DCDC1: variants seen among roughly 807,000 people sequenced by gnomAD.
The protein encoded by DCDC1 is doublecortin domain-containing protein 1.
DCDC1 carries 200 observed loss-of-function variants against 178.3 expected under a neutral mutation model. The observed-to-expected ratio is 1.12, with a 90% CI of 1.00 to 1.26. The LOEUF is 1.26. DCDC1 is among the 50% of genes most tolerant of loss of function. The pLI is 0.00. For missense variants in DCDC1, 1,983 were observed against 1,749.2 expected, an observed-to-expected ratio of 1.13 and a Z score of -2.38; for synonymous variants, 690 against 604.8, an observed-to-expected ratio of 1.14 and a Z score of -2.07.
chr11:31,250,478 T>C (rs1337770161), intron 8 of DCDC1, among the ~76,000 whole-genome samples: 1 of 139,270 alleles, frequency 7.2e-6, no homozygotes, highest in East Asian at 2.3e-4. Context: ...GGCTACAGTT[T>C]ATATCATTTT....
At chr11:31,264,562 C>T (rs1281034602) in intron 8 of DCDC1, among the ~76,000 whole-genome samples, 1 of 152,118 alleles carries the variant, frequency 6.6e-6, no homozygotes, top group African/African-American at 2.4e-5. Flanking sequence ...GAGCAAATTA[C>T]CTAACTTCTC....
intron 11 of DCDC1, among the ~76,000 whole-genome samples, chr11:31,113,449 C>T (rs1026830521): frequency 7.3e-6 from 1 of 136,334 alleles, no homozygotes; most frequent in Non-Finnish European, 1.6e-5. Flanking sequence ...CTCCCCCCAC[C>T]CAACGACAGG....
At chr11:30,968,617 G>A (rs1004493978) in intron 20 of DCDC1, among the ~76,000 whole-genome samples, 7 of 147,368 alleles carry the variant, frequency 4.8e-5, no homozygotes, top group African/African-American at 1.8e-4. Context: ...AAAACAAAGT[G>A]TGTATATATA....
intron 30 of DCDC1, among the ~76,000 whole-genome samples, chr11:30,906,103 C>T (rs531134199): frequency 1.3e-5 from 2 of 152,186 alleles, no homozygotes; most frequent in South Asian, 4.2e-4. Flanking sequence ...TACTATTAGA[C>T]ATAGACGTGT....
chr11:30,903,731 T>G, intron 31 of DCDC1, 48 bp from the exon 32 acceptor site: 1 of 1,424,498 alleles, frequency 7.0e-7, no homozygotes, highest in Non-Finnish European at 9.3e-7. Context: ...GTGATAGCAT[T>G]GGGAATGATC....
intron 34 of DCDC1, among the ~76,000 whole-genome samples, chr11:30,896,679 T>G (rs1944243002): frequency 6.6e-6 from 1 of 152,224 alleles, no homozygotes; most frequent in South Asian, 2.1e-4. Context: ...TTTTACTTAT[T>G]TATCAGTTTT....
intron 11 of DCDC1, among the ~76,000 whole-genome samples, chr11:31,122,510 A>G (rs1297013480): frequency 6.6e-6 from 1 of 152,086 alleles, no homozygotes; most frequent in African/African-American, 2.4e-5. Context: ...CTGCTGATAC[A>G]AGGATCACAT....
At chr11:30,924,550 C>T (rs1946477744) in intron 23 of DCDC1, among the ~76,000 whole-genome samples, 2 of 152,042 alleles carry the variant, frequency 1.3e-5, no homozygotes, top group Admixed American at 1.3e-4. Context: ...TTTCAGCCTT[C>T]TCCAGTCACC....
chr11:31,338,568 T>C (rs1950384461), intron 1 of DCDC1, among the ~76,000 whole-genome samples: 2 of 152,216 alleles, frequency 1.3e-5, no homozygotes, highest in South Asian at 4.1e-4. Flanking sequence ...TTACAGTGTC[T>C]AGCTGAAGCC....
chr11:31,126,183 T>C (rs979438716), intron 11 of DCDC1, among the ~76,000 whole-genome samples: 2 of 152,170 alleles, frequency 1.3e-5, no homozygotes, highest in African/African-American at 2.4e-5. Flanking sequence ...CCATCCCTTT[T>C]TATTTTTTCT....
chr11:31,026,081 C>T lies in DCDC1; in HGVS notation c.2591+38388G>A, dbSNP rs372178191. 6.6e-5 allele frequency among the ~76,000 whole-genome samples: 10 copies of T among 151,768 alleles called. No homozygotes were observed. In the East Asian group the frequency reaches 1.2e-3, roughly 18 times the overall value. ...GAGAACATTTGAAACCTGTAATAAA[C>T]ATTCTTAATTCAAATATCATTTAAA... On this transcript the variant is annotated intron_variant, in intron 20 of 38. Coordinates refer to ENST00000684477, the MANE Select transcript of DCDC1 (RefSeq NM_001387274.1).
At chr11:30,949,507 A>G (rs1398815197) in intron 21 of DCDC1, among the ~76,000 whole-genome samples, 1 of 152,202 alleles carries the variant, frequency 6.6e-6, no homozygotes, top group African/African-American at 2.4e-5. Context: ...ATTACTTGGT[A>G]TATACCTAAA....
intron 8 of DCDC1, among the ~76,000 whole-genome samples, chr11:31,245,459 T>A (rs1441437654): frequency 6.6e-6 from 1 of 151,764 alleles, no homozygotes; most frequent in African/African-American, 2.4e-5. Flanking sequence ...CCTAAAAAAA[T>A]TTGATCTGAA....
At chr11:31,204,944 T>C (rs970149735) in intron 9 of DCDC1, among the ~76,000 whole-genome samples, 2 of 152,218 alleles carry the variant, frequency 1.3e-5, no homozygotes, top group African/African-American at 2.4e-5. Context: ...AATTCAGTCA[T>C]GCCATTTCCA....
intron 9 of DCDC1, among the ~76,000 whole-genome samples, chr11:31,164,044 C>G (rs928010569): frequency 4.6e-5 from 7 of 152,014 alleles, no homozygotes; most frequent in Non-Finnish European, 1.5e-5. Context: ...ACATACTGGA[C>G]CACTATACTT....
At chr11:30,979,263 G>C (rs989171150) in intron 20 of DCDC1, among the ~76,000 whole-genome samples, 1 of 152,168 alleles carries the variant, frequency 6.6e-6, no homozygotes, top group Non-Finnish European at 1.5e-5. Flanking sequence ...GGCAAGAAAG[G>C]AGCAGGAAGT....
intron 8 of DCDC1, among the ~76,000 whole-genome samples, chr11:31,255,856 TC>T (rs1944387324): frequency 6.6e-6 from 1 of 152,212 alleles, no homozygotes; most frequent in Non-Finnish European, 1.5e-5. Context: ...TTTTTTCTTT[TC>T]TTTGCTCATA....
intron 9 of DCDC1, among the ~76,000 whole-genome samples, chr11:31,204,897 G>A (rs578144139): frequency 1.3e-5 from 2 of 152,068 alleles, no homozygotes; most frequent in Non-Finnish European, 2.9e-5. Context: ...AAAGGCAGGA[G>A]AACCTAACAT....
chr11:31,243,856 A>G (rs1017716389), intron 8 of DCDC1, among the ~76,000 whole-genome samples: 1 of 151,758 alleles, frequency 6.6e-6, no homozygotes, highest in African/African-American at 2.4e-5. Flanking sequence ...TTGTTGAATA[A>G]TCTGTTCAGT....
Sources: gnomAD v4.1 joint callset for allele counts (sites outside exome capture counted in the v4.1 genomes callset) on GRCh38, gnomAD v4.1.1 for gene constraint, MANE v1.5 for transcripts, NCBI Gene and HGNC (gene_info 2026-07-23, HGNC 2026-07-21) for gene names.